Variants in PRKD1 observed in about 807,000 individuals in gnomAD.
The protein encoded by PRKD1 is serine/threonine-protein kinase D1.
PRKD1 carries 63 observed loss-of-function variants against 95.9 expected under a neutral mutation model. The ratio of observed to expected loss-of-function variants is 0.66; its 90% CI spans 0.54 to 0.81. PRKD1 has a LOEUF of 0.81. Ranked by LOEUF, PRKD1 falls within the 30% of genes least tolerant of loss-of-function variation. The probability of loss-of-function intolerance (pLI) is 0.00; values close to 1 mark genes in which losing one functional copy is unlikely to be tolerated. For missense variants in PRKD1, 1,048 were observed against 1,165.3 expected (o/e 0.90, Z 1.47); for synonymous variants, 425 against 423.1 (o/e 1.00, Z -0.05).
chr14:29,765,714 A>G (rs962234489), intron 1 of PRKD1, among the ~76,000 whole-genome samples: 7 of 152,198 alleles, frequency 4.6e-5, no homozygotes, highest in African/African-American at 9.7e-5. Flanking sequence ...TAAACAAACT[A>G]CAACTATAAA....
intron 4 of PRKD1, among the ~76,000 whole-genome samples, chr14:29,661,345 C>A (rs895930531): frequency 6.6e-6 from 1 of 152,078 alleles, no homozygotes; most frequent in African/African-American, 2.4e-5. Context: ...GGAAATTATT[C>A]TTTAATGTAT....
chr14:29,586,402 T>C (rs1187777276), intron 16 of PRKD1, among the ~76,000 whole-genome samples: 1 of 152,112 alleles, frequency 6.6e-6, no homozygotes, highest in African/African-American at 2.4e-5. Flanking sequence ...AAGGAGACAA[T>C]TGAAACTATG....
chr14:29,623,055 G>A (rs1442204487), intron 13 of PRKD1, among the ~76,000 whole-genome samples: 1 of 152,204 alleles, frequency 6.6e-6, no homozygotes, highest in East Asian at 1.9e-4. Flanking sequence ...AATGTTGCCA[G>A]TTGTTTGTAA....
intron 1 of PRKD1, among the ~76,000 whole-genome samples, chr14:29,799,135 AT>A (rs2139212924): frequency 6.6e-6 from 1 of 152,392 alleles, no homozygotes; most frequent in African/African-American, 2.4e-5. Flanking sequence ...ACCTAAAAGT[AT>A]TAAAATAGTA....
At chr14:29,854,640 G>A (rs530158105) in intron 1 of PRKD1, among the ~76,000 whole-genome samples, 50 of 152,284 alleles carry the variant, frequency 3.3e-4, no homozygotes, top group African/African-American at 4.1e-4. Context: ...GAATAAATTT[G>A]CATAAGTAAT....
chr14:29,630,167 C>T (rs1879900688), intron 10 of PRKD1, among the ~76,000 whole-genome samples: 1 of 151,950 alleles, frequency 6.6e-6, no homozygotes, highest in South Asian at 2.1e-4. Context: ...CCCCCTCCTC[C>T]TCCTCTTTCT....
chr14:29,867,705 G>A (rs1892958388), intron 1 of PRKD1, among the ~76,000 whole-genome samples: 1 of 152,190 alleles, frequency 6.6e-6, no homozygotes, highest in Non-Finnish European at 1.5e-5. Context: ...GTGGTACAGA[G>A]GCAGAATGAG....
chr14:29,579,802 A>G (rs1892694311), intron 16 of PRKD1, among the ~76,000 whole-genome samples: 1 of 152,190 alleles, frequency 6.6e-6, no homozygotes, highest in Admixed American at 6.6e-5. Flanking sequence ...AATGTTGCCT[A>G]TGCCTATACA....
chr14:29,689,151 A>C (rs187932631), intron 2 of PRKD1, among the ~76,000 whole-genome samples: 1 of 152,152 alleles, frequency 6.6e-6, no homozygotes, highest in East Asian at 1.9e-4. Flanking sequence ...GCACAACAAA[A>C]GAAACTATCA....
rs536832489 is a variant in PRKD1, at chr14:29,825,949, T to A, written c.265-100275A>T. 2.3e-4 allele frequency among the ~76,000 whole-genome samples: 35 copies of A among 151,990 alleles called. No homozygotes were observed. The South Asian group carries it at 3.3e-3, about 14-fold the overall frequency. ...AAACCAAGGCTTCTTGAGAGTACTA[T>A]GCTAGGTCTTCATAGACAGGGGATT... On this transcript the variant is annotated intron_variant, in intron 1 of 17. Transcript: ENST00000331968.
intron 1 of PRKD1, among the ~76,000 whole-genome samples, chr14:29,772,126 C>A (rs1888536875): frequency 6.6e-6 from 1 of 152,078 alleles, no homozygotes; most frequent in Admixed American, 6.5e-5. Context: ...CAAGGTAAGC[C>A]TTTGGGGGAT....
At chr14:29,899,989 C>G (rs932504722) in intron 1 of PRKD1, among the ~76,000 whole-genome samples, 1 of 152,216 alleles carries the variant, frequency 6.6e-6, no homozygotes, top group African/African-American at 2.4e-5. Flanking sequence ...AGCTCTCTTT[C>G]CTGCCATCTT....
chr14:29,804,024 C>G (rs1251569550), intron 1 of PRKD1, among the ~76,000 whole-genome samples: 1 of 152,006 alleles, frequency 6.6e-6, no homozygotes, highest in Non-Finnish European at 1.5e-5. Context: ...GGCGGATCAC[C>G]TGAGGTCAGG....
intron 1 of PRKD1, among the ~76,000 whole-genome samples, chr14:29,759,037 A>G (rs768775047): frequency 2.8e-4 from 42 of 152,246 alleles, no homozygotes; most frequent in Non-Finnish European, 8.8e-5. Flanking sequence ...TTTTAGAAAC[A>G]GTGTCCGTTA....
chr14:29,871,656 C>G (rs1893112839), intron 1 of PRKD1, among the ~76,000 whole-genome samples: 1 of 152,146 alleles, frequency 6.6e-6, no homozygotes. Flanking sequence ...TGCTTCAAGT[C>G]AATTCTCAAT....
At chr14:29,866,762 T>C (rs780666553) in intron 1 of PRKD1, among the ~76,000 whole-genome samples, 7 of 152,190 alleles carry the variant, frequency 4.6e-5, no homozygotes, top group Non-Finnish European at 8.8e-5. Flanking sequence ...AAGAAGAATG[T>C]GGCAGAGGTA....
At chr14:29,876,087 T>C (rs543499228) in intron 1 of PRKD1, among the ~76,000 whole-genome samples, 2 of 152,342 alleles carry the variant, frequency 1.3e-5, no homozygotes, top group Non-Finnish European at 2.9e-5. Flanking sequence ...TCTTTTATAA[T>C]GGGCAGTGAG....
At chr14:29,729,466 G>C (rs1886327234) in intron 1 of PRKD1, among the ~76,000 whole-genome samples, 1 of 152,024 alleles carries the variant, frequency 6.6e-6, no homozygotes, top group South Asian at 2.1e-4. Flanking sequence ...AGTTATTCAT[G>C]TGATTCCCTT....
At chr14:29,837,594 A>G (rs939609656) in intron 1 of PRKD1, among the ~76,000 whole-genome samples, 2 of 152,240 alleles carry the variant, frequency 1.3e-5, no homozygotes, top group African/African-American at 4.8e-5. Context: ...ATGAGTATTT[A>G]TAATCTATGG....
Sources: allele counts gnomAD v4.1 joint callset (sites outside exome capture counted in the v4.1 genomes callset), GRCh38; gene constraint gnomAD v4.1.1; transcripts MANE v1.5; gene names NCBI Gene and HGNC (gene_info 2026-07-23, HGNC 2026-07-21).